The following ADAMTSL1 variants were observed in gnomAD, a reference collection of about 807,000 sequenced individuals.
ADAMTSL1 encodes ADAMTS like 1.
ADAMTSL1 carries 126 observed loss-of-function variants against 201.8 expected under a neutral mutation model. The ratio of observed to expected loss-of-function variants is 0.62; its 90% CI spans 0.54 to 0.72. The LOEUF (loss-of-function observed/expected upper bound fraction) is 0.72, where lower values mean the gene tolerates loss of function less well. ADAMTSL1 is among the 30% of genes least tolerant of loss of function. The probability of loss-of-function intolerance (pLI) is 0.00; values close to 1 mark genes in which losing one functional copy is unlikely to be tolerated. For missense variants in ADAMTSL1, 2,679 were observed against 2,277.8 expected, an observed-to-expected ratio of 1.18 and a Z score of -3.59; for synonymous variants, 1,121 against 903.4, an observed-to-expected ratio of 1.24 and a Z score of -4.32.
chr9:18,694,901 C>A (rs564885538), intron 13 of ADAMTSL1, among the ~76,000 whole-genome samples: 4 of 152,374 alleles, frequency 2.6e-5, no homozygotes, highest in African/African-American at 7.2e-5. Flanking sequence ...GATTTCCAAG[C>A]ATTTCCGTAC....
intron 4 of ADAMTSL1, among the ~76,000 whole-genome samples, chr9:18,584,750 GT>G (rs1486410502): frequency 6.6e-6 from 1 of 152,116 alleles, no homozygotes; most frequent in Non-Finnish European, 1.5e-5. Context: ...AGTGGACTGA[GT>G]TGGGAAAATT....
chr9:18,168,253 A>C (rs975982345), intron 2 of ADAMTSL1, among the ~76,000 whole-genome samples: 2 of 151,694 alleles, frequency 1.3e-5, no homozygotes, highest in African/African-American at 4.8e-5. Context: ...TCCTAATGCT[A>C]TCCTTATGCT....
intron 2 of ADAMTSL1, among the ~76,000 whole-genome samples, chr9:18,267,269 T>G (rs2132558417): frequency 6.6e-6 from 1 of 152,304 alleles, no homozygotes; most frequent in African/African-American, 2.4e-5. Flanking sequence ...CAACGATTTC[T>G]TACTTCATAG....
At chr9:18,492,624 T>C (rs149476686) in intron 1 of ADAMTSL1, among the ~76,000 whole-genome samples, 83 of 152,336 alleles carry the variant, frequency 5.4e-4, no homozygotes, top group African/African-American at 1.9e-3. Flanking sequence ...TTAGCACTTA[T>C]ATTTAAAAAA....
chr9:18,219,225 G>C (rs1830162955), intron 2 of ADAMTSL1, among the ~76,000 whole-genome samples: 1 of 151,704 alleles, frequency 6.6e-6, no homozygotes, highest in South Asian at 2.1e-4. Flanking sequence ...TCAAATTCTA[G>C]AAAAAACTCT....
At chr9:18,450,174 G>A (rs535297327) in intron 2 of ADAMTSL1, among the ~76,000 whole-genome samples, 3 of 152,130 alleles carry the variant, frequency 2.0e-5, no homozygotes, top group East Asian at 1.9e-4. Flanking sequence ...TCCATACAAC[G>A]AATGTACATT....
intron 2 of ADAMTSL1, among the ~76,000 whole-genome samples, chr9:18,206,667 CT>C (rs1344238672): frequency 3.3e-5 from 5 of 152,072 alleles, no homozygotes; most frequent in Admixed American, 3.3e-4. Context: ...CTTTCTCTAT[CT>C]TTTAGGACTT....
intron 27 of ADAMTSL1, 117 bp from the exon 28 acceptor site, chr9:18,906,575 C>T (rs1006622465): frequency 5.0e-5 from 40 of 803,750 alleles, no homozygotes; most frequent in East Asian, 8.1e-5. Flanking sequence ...GGTCTAGTAA[C>T]GCTGAAAGTT....
chr9:18,793,759 G>A (rs982407946), intron 19 of ADAMTSL1, among the ~76,000 whole-genome samples: 8 of 151,760 alleles, frequency 5.3e-5, no homozygotes, highest in East Asian at 1.9e-4. Context: ...TCTAGGCACC[G>A]GATCTCTGAG....
chr9:18,819,592 A>G (rs777164262), intron 21 of ADAMTSL1, among the ~76,000 whole-genome samples: 8 of 152,022 alleles, frequency 5.3e-5, no homozygotes, highest in Non-Finnish European at 1.0e-4. Flanking sequence ...AGCTTTGGCC[A>G]CTCTATTGTG....
At chr9:18,749,800 A>G (rs562039159) in intron 15 of ADAMTSL1, among the ~76,000 whole-genome samples, 1 of 152,376 alleles carries the variant, frequency 6.6e-6, no homozygotes, top group East Asian at 1.9e-4. Context: ...ATATACAGAC[A>G]GCTTCTGCTG....
chr9:18,223,810 A>ATTTT (rs200187218), intron 2 of ADAMTSL1, among the ~76,000 whole-genome samples: 2 of 151,008 alleles, frequency 1.3e-5, no homozygotes, highest in African/African-American at 4.9e-5. Flanking sequence ...GGGACCAGTG[A>ATTTT]TTTTTTTTTA....
chr9:18,852,306 G>C (rs1826547355), intron 23 of ADAMTSL1, among the ~76,000 whole-genome samples: 1 of 152,168 alleles, frequency 6.6e-6, no homozygotes, highest in Non-Finnish European at 1.5e-5. Flanking sequence ...GTTTTTGAAA[G>C]GAATAAATGA....
At chr9:18,645,768 A>G (rs1827767924) in intron 7 of ADAMTSL1, among the ~76,000 whole-genome samples, 1 of 144,728 alleles carries the variant, frequency 6.9e-6, no homozygotes, top group Non-Finnish European at 1.5e-5. Flanking sequence ...TGGTACCAGT[A>G]CCATGCTGTT....
intron 9 of ADAMTSL1, among the ~76,000 whole-genome samples, chr9:18,666,297 T>G (rs921135074): frequency 1.3e-5 from 2 of 152,152 alleles, no homozygotes; most frequent in East Asian, 3.8e-4. Context: ...AATTTAATCC[T>G]TATAAGGGAA....
chr9:18,708,799 C>G (rs1832381711), intron 14 of ADAMTSL1, among the ~76,000 whole-genome samples: 1 of 152,146 alleles, frequency 6.6e-6, no homozygotes, highest in Non-Finnish European at 1.5e-5. Context: ...ATTTTATGAA[C>G]AGATGGAAAA....
intron 13 of ADAMTSL1, among the ~76,000 whole-genome samples, chr9:18,695,863 CT>C (rs1333770520): frequency 6.6e-6 from 1 of 152,168 alleles, no homozygotes; most frequent in Non-Finnish European, 1.5e-5. Context: ...ACTACCAGTA[CT>C]GGGTAATTTC....
chr9:18,077,699 G>A (rs960867034), intron 1 of ADAMTSL1, among the ~76,000 whole-genome samples: 1 of 152,124 alleles, frequency 6.6e-6, no homozygotes, highest in South Asian at 2.1e-4. Context: ...AACAAAATAA[G>A]AGAAATGGAA....
chr9:18,855,862 A>G lies in ADAMTSL1; in HGVS notation c.4249+25885A>G, dbSNP rs554282182. ...TGTGTGACTCTTTGAAGTGGTATCAAGAGAGATAAACCAGCACAAGCCTGT... is the reference window on the plus strand; with the variant it reads ...TGTGTGACTCTTTGAAGTGGTATCAGGAGAGATAAACCAGCACAAGCCTGT... On this transcript the variant is annotated intron_variant, in intron 23 of 28. Transcript: ENST00000380548. 8.3e-4 allele frequency among the ~76,000 whole-genome samples: 126 copies of G among 152,324 alleles called. 1 individual carries two copies. Among genetic ancestry groups the G allele is most frequent in the African/African-American group, 2.9e-3 (121 of 41,580 alleles).
Sources: allele counts gnomAD v4.1 joint callset (sites outside exome capture counted in the v4.1 genomes callset), GRCh38; gene constraint gnomAD v4.1.1; transcripts MANE v1.5; gene names NCBI Gene and HGNC (gene_info 2026-07-23, HGNC 2026-07-21).